MYO18B: variants seen among roughly 807,000 people sequenced by gnomAD.
MYO18B encodes unconventional myosin-XVIIIb.
A neutral mutation model predicts 273.0 loss-of-function variants in MYO18B; 204 were observed. The observed-to-expected ratio is 0.75, with a 90% CI of 0.67 to 0.84. The LOEUF is 0.84. Ranked by LOEUF, MYO18B falls within the 40% of genes least tolerant of loss-of-function variation. The pLI is 0.00. For missense variants in MYO18B, 3,212 were observed against 3,287.6 expected (o/e 0.98, Z 0.56); for synonymous variants, 1,330 against 1,305.7 (o/e 1.02, Z -0.40).
chr22:26,028,390 A>T (rs564575996), intron 43 of MYO18B: 1 of 152,268 alleles, frequency 6.6e-6, no homozygotes, highest in African/African-American at 2.4e-5. Flanking sequence ...CCGTGGTGGG[A>T]TCACAGACAT....
intron 39 of MYO18B, among the ~76,000 whole-genome samples, chr22:25,979,905 C>G (rs1475525648): frequency 6.6e-6 from 1 of 152,086 alleles, no homozygotes; most frequent in Non-Finnish European, 1.5e-5. Context: ...CCCCATCCAT[C>G]AGGGACTCCA....
chr22:25,754,387 C>T (rs1020347023), intron 1 of MYO18B, among the ~76,000 whole-genome samples: 5 of 151,144 alleles, frequency 3.3e-5, no homozygotes, highest in Admixed American at 2.0e-4. Context: ...ATGGCGGGGG[C>T]GCTACAAAGA....
intron 25 of MYO18B, among the ~76,000 whole-genome samples, chr22:25,882,226 C>G (rs1182752337): frequency 7.0e-6 from 1 of 143,764 alleles, no homozygotes; most frequent in Admixed American, 6.8e-5. Flanking sequence ...ATCCCAGTCC[C>G]TGGCACAGGA....
chr22:25,888,072 C>A (rs2091553395), intron 25 of MYO18B, among the ~76,000 whole-genome samples: 1 of 152,094 alleles, frequency 6.6e-6, no homozygotes, highest in Non-Finnish European at 1.5e-5. Flanking sequence ...TTTTGCACAG[C>A]CTTAAGCAAA....
chr22:26,058,674 G>C, the MYO18B span, among the ~76,000 whole-genome samples: 8 of 152,082 alleles, frequency 5.3e-5, no homozygotes, highest in African/African-American at 1.9e-4. Context: ...GCAAGCGCTG[G>C]TTGTTAAAAA....
chr22:25,745,663 G>A (rs1423077849), intron 1 of MYO18B, among the ~76,000 whole-genome samples: 1 of 152,056 alleles, frequency 6.6e-6, no homozygotes, highest in Non-Finnish European at 1.5e-5. Flanking sequence ...AAGAATTGTA[G>A]TTTCTGGCAA....
Position 25,829,604 on chromosome 22 carries a change from C to T in MYO18B, c.2979+636C>T, listed in dbSNP as rs60694192. 4.0e-3 allele frequency among the ~76,000 whole-genome samples: 603 copies of T among 151,880 alleles called. 3 individuals carry two copies. The highest frequency in any genetic ancestry group is 0.014 in the African/African-American group (574 of 41,434). ...CCTTAATCCCAGCACTTTGGGAGCC[C>T]GAGGCGGGCGGATCACCTGAGGTCA... On this transcript the variant is annotated intron_variant, in intron 15 of 43. Coordinates refer to ENST00000335473, the MANE Select transcript of MYO18B (RefSeq NM_032608.7).
At chr22:25,877,098 G>T (rs1012201676) in intron 24 of MYO18B, 1 of 152,280 alleles carries the variant, frequency 6.6e-6, no homozygotes, top group African/African-American at 2.4e-5. Context: ...GTCCATACTT[G>T]TGTATACCCA....
chr22:25,955,418 A>T, intron 39 of MYO18B, 54 bp downstream of exon 39: 1 of 1,537,114 alleles, frequency 6.5e-7, no homozygotes, highest in African/African-American at 1.4e-5. Flanking sequence ...GCAATGTGGT[A>T]GACCCCCCTT....
rs1045289630 is a variant in MYO18B at position 25,835,363 on chromosome 22, T to A, written c.3128T>A (p.Val1043Asp). ...RGLFWVLDEE[V>D]HVEGSSDSVV... ...CTTTTCTGGGTCTTAGATGAGGAAG[T>A]CCATGTAGAGGGCTCCAGTGACAGT... The change falls in exon 17 of 44, where the codon GTC becomes GAC. Residue 1043 changes from valine (V) to aspartate (D), a missense_variant. Coordinates refer to ENST00000335473, the MANE Select transcript of MYO18B (RefSeq NM_032608.7). The A allele has an allele frequency of 1.7e-5, 27 of 1,613,800 alleles. No individual in the cohort carries two copies. Among genetic ancestry groups the A allele is most frequent in the African/African-American group, 4.0e-5 (3 of 74,890 alleles).
intron 39 of MYO18B, among the ~76,000 whole-genome samples, chr22:25,981,318 A>T (rs2093146202): frequency 6.6e-6 from 1 of 152,184 alleles, no homozygotes; most frequent in South Asian, 2.1e-4. Context: ...GATGGGACAA[A>T]TGTGAAGATC....
At chr22:26,053,813 A>G in the MYO18B span, among the ~76,000 whole-genome samples, 1 of 152,302 alleles carries the variant, frequency 6.6e-6, no homozygotes, top group South Asian at 2.1e-4. Flanking sequence ...GACCCGGACT[A>G]GCTATGAAGG....
chr22:26,009,224 C>T (rs181274525), intron 42 of MYO18B, among the ~76,000 whole-genome samples: 2 of 152,308 alleles, frequency 1.3e-5, no homozygotes, highest in Admixed American at 6.5e-5. Flanking sequence ...CCCATATTCC[C>T]TCTGGTCTCA....
At chr22:25,886,215 T>C (rs2091495066) in intron 25 of MYO18B, among the ~76,000 whole-genome samples, 1 of 152,220 alleles carries the variant, frequency 6.6e-6, no homozygotes, top group Non-Finnish European at 1.5e-5. Context: ...CGATGGTTAT[T>C]ATTATGGTTA....
At chr22:25,913,576 G>T (rs2092202722) in intron 33 of MYO18B, among the ~76,000 whole-genome samples, 1 of 152,154 alleles carries the variant, frequency 6.6e-6, no homozygotes, top group African/African-American at 2.4e-5. Context: ...CACCGTGTTA[G>T]CCAGGATGGT....
intron 31 of MYO18B, among the ~76,000 whole-genome samples, chr22:25,904,965 A>T (rs2146354983): frequency 6.6e-6 from 1 of 151,650 alleles, no homozygotes; most frequent in South Asian, 2.1e-4. Flanking sequence ...AAAAATTTCT[A>T]GGGGAAGTAA....
chr22:25,845,365 A>C (rs1229646684), intron 18 of MYO18B, among the ~76,000 whole-genome samples: 1 of 152,138 alleles, frequency 6.6e-6, no homozygotes, highest in Non-Finnish European at 1.5e-5. Flanking sequence ...AAAAACACAA[A>C]AATTAGCTGG....
the MYO18B span, among the ~76,000 whole-genome samples, chr22:26,060,840 A>C: frequency 2.5e-5 from 2 of 78,488 alleles, no homozygotes; most frequent in East Asian, 1.4e-3. Context: ...ACATATACAC[A>C]ATATACACAT....
chr22:25,877,396 A>C (rs2091229671), intron 24 of MYO18B: 1 of 152,238 alleles, frequency 6.6e-6, no homozygotes, highest in Non-Finnish European at 1.5e-5. Flanking sequence ...TACAATATGA[A>C]ATGATTAAGC....
Sources: allele counts gnomAD v4.1 joint callset (sites outside exome capture counted in the v4.1 genomes callset), GRCh38; gene constraint gnomAD v4.1.1; transcripts MANE v1.5; gene names NCBI Gene and HGNC (gene_info 2026-07-23, HGNC 2026-07-21).